PDE1C: variants seen among roughly 807,000 people sequenced by gnomAD.
PDE1C encodes the protein phosphodiesterase 1C.
In PDE1C, 62 loss-of-function variants were observed where a neutral mutation model predicts 93.1. The observed-to-expected ratio is 0.67, with a 90% CI of 0.54 to 0.82. The LOEUF is 0.82. Ranked by LOEUF, PDE1C falls within the 40% of genes least tolerant of loss-of-function variation. PDE1C has a pLI of 0.00. For synonymous variants in PDE1C, 325 were observed against 310.1 expected (o/e 1.05, Z -0.50); for missense variants, 742 against 884.6 (o/e 0.84, Z 2.04).
chr7:32,300,850 G>C (rs972736212), upstream of PDE1C, among the ~76,000 whole-genome samples: 2 of 151,726 alleles, frequency 1.3e-5, no homozygotes, highest in African/African-American at 4.8e-5. Flanking sequence ...TTGTTTGTTT[G>C]TTTTTGAGAC....
At chr7:31,805,426 C>T (rs1365696950) in intron 16 of PDE1C, among the ~76,000 whole-genome samples, 1 of 151,840 alleles carries the variant, frequency 6.6e-6, no homozygotes, top group Admixed American at 6.6e-5. Flanking sequence ...TACTATTGTA[C>T]TCTTATATTC....
At chr7:31,734,325 G>C in the PDE1C span, among the ~76,000 whole-genome samples, 1 of 152,094 alleles carries the variant, frequency 6.6e-6, no homozygotes, top group Non-Finnish European at 1.5e-5. Context: ...CAGAAAAGGG[G>C]CCCCAGAGGT....
At chr7:32,358,205 A>G (rs945743941) in intron 1 of PDE1C, among the ~76,000 whole-genome samples, 4 of 152,234 alleles carry the variant, frequency 2.6e-5, no homozygotes, top group Admixed American at 2.6e-4. Flanking sequence ...TTCCCAAACC[A>G]AAACAAGACT....
intron 1 of PDE1C, among the ~76,000 whole-genome samples, chr7:32,316,996 C>T (rs2128905998): frequency 6.6e-6 from 1 of 152,298 alleles, no homozygotes; most frequent in African/African-American, 2.4e-5. Flanking sequence ...TTGAAGCCCT[C>T]CTCCAAAGCA....
intron 2 of PDE1C, among the ~76,000 whole-genome samples, chr7:31,993,428 T>C (rs554469323): frequency 6.6e-6 from 1 of 152,186 alleles, no homozygotes; most frequent in African/African-American, 2.4e-5. Context: ...TTACAGGGAA[T>C]TGTAAGTTAG....
At chr7:31,625,687 G>A in the PDE1C span, among the ~76,000 whole-genome samples, 1 of 152,014 alleles carries the variant, frequency 6.6e-6, no homozygotes. Flanking sequence ...ACGAGTTAGT[G>A]GGTGCAGCGC....
chr7:32,208,568 G>A (rs1045035206), intron 2 of PDE1C, among the ~76,000 whole-genome samples: 1 of 152,148 alleles, frequency 6.6e-6, no homozygotes, highest in African/African-American at 2.4e-5. Flanking sequence ...CAGAGGCCCA[G>A]ATAGTGTGAG....
chr7:32,234,306 A>G (rs1320148829), intron 1 of PDE1C, among the ~76,000 whole-genome samples: 1 of 151,974 alleles, frequency 6.6e-6, no homozygotes, highest in African/African-American at 2.4e-5. Flanking sequence ...AAGAAAACCA[A>G]TCAAACCACA....
intron 3 of PDE1C, among the ~76,000 whole-genome samples, chr7:32,109,743 A>G (rs60903292): frequency 0.02 from 3,025 of 152,020 alleles, 91 homozygotes; most frequent in African/African-American, 0.068. Flanking sequence ...TCTGCTTGGT[A>G]GAATAACAGG....
chr7:31,931,255 A>G (rs1244036195), intron 2 of PDE1C, among the ~76,000 whole-genome samples: 1 of 152,206 alleles, frequency 6.6e-6, no homozygotes, highest in African/African-American at 2.4e-5. Context: ...AAGCAAGAGA[A>G]AGAAAGAAAG....
chr7:31,683,122 CACAG>C, the PDE1C span, among the ~76,000 whole-genome samples: 1 of 152,136 alleles, frequency 6.6e-6, no homozygotes, highest in African/African-American at 2.4e-5. Flanking sequence ...ACTCAATACA[CACAG>C]ACAGAGTTGG....
chr7:32,045,052 CCCCCCTCCCA>C (rs1353758252), intron 2 of PDE1C, among the ~76,000 whole-genome samples: 1 of 103,136 alleles, frequency 9.7e-6, no homozygotes, highest in Non-Finnish European at 2.0e-5. Context: ...CTGTGCCCTG[CCCCCCTCCCA>C]CCCCCTCCCT....
chr7:32,250,629 G>A (rs1015837439), intron 1 of PDE1C, among the ~76,000 whole-genome samples: 7 of 152,238 alleles, frequency 4.6e-5, no homozygotes, highest in African/African-American at 1.7e-4. Context: ...GTTTTATGAC[G>A]ATCACTGATA....
intron 16 of PDE1C, among the ~76,000 whole-genome samples, chr7:31,782,758 C>A (rs12056175): frequency 0.036 from 5,453 of 152,276 alleles, 241 homozygotes; most frequent in East Asian, 0.19. Flanking sequence ...TGATGATGCA[C>A]AAGCAATACA....
chr7:32,000,675 G>A (rs186139196), intron 2 of PDE1C, among the ~76,000 whole-genome samples: 21 of 152,164 alleles, frequency 1.4e-4, no homozygotes, highest in Admixed American at 9.8e-4. Context: ...CCCTGGACAC[G>A]CTCATGTCCC....
chr7:32,075,944 T>C (rs866220258), upstream of PDE1C, among the ~76,000 whole-genome samples: 121 of 152,270 alleles, frequency 7.9e-4, 2 homozygotes, highest in Middle Eastern at 0.02. Flanking sequence ...TGTTTGGCCA[T>C]GGTTGGGTTG....
At chr7:31,857,159 GA>G in intron 7 of PDE1C, among the ~76,000 whole-genome samples, 1 of 152,206 alleles carries the variant, frequency 6.6e-6, no homozygotes, top group East Asian at 1.9e-4. Flanking sequence ...GAATCAATGA[GA>G]AATACAATTT....
At chr7:31,755,022 C>T (rs1381517868) in intron 17 of PDE1C, among the ~76,000 whole-genome samples, 1 of 152,152 alleles carries the variant, frequency 6.6e-6, no homozygotes, top group Non-Finnish European at 1.5e-5. Context: ...TCGAAGTAAC[C>T]TTGTATATGA....
chr7:32,259,241 A>G (rs1283921359), intron 1 of PDE1C, among the ~76,000 whole-genome samples: 4 of 152,302 alleles, frequency 2.6e-5, no homozygotes, highest in African/African-American at 9.6e-5. Context: ...AGAAAGAGCC[A>G]AGGTTGGGGA....
Sources: allele counts gnomAD v4.1 joint callset (sites outside exome capture counted in the v4.1 genomes callset), GRCh38; gene constraint gnomAD v4.1.1; transcripts MANE v1.5; gene names NCBI Gene and HGNC (gene_info 2026-07-23, HGNC 2026-07-21).